TMEM196: variants seen among roughly 807,000 people sequenced by gnomAD.
TMEM196 encodes transmembrane protein 196.
Under a neutral mutation model 20.0 loss-of-function variants are expected in TMEM196, and 17 were observed. The ratio of observed to expected loss-of-function variants is 0.85; its 90% CI spans 0.58 to 1.27. The LOEUF (loss-of-function observed/expected upper bound fraction) is 1.27, where lower values mean the gene tolerates loss of function less well. Ranked by LOEUF, TMEM196 falls within the 50% of genes most tolerant of loss-of-function variation. TMEM196 has a pLI of 0.00. For missense variants in TMEM196, 267 were observed against 223.0 expected (o/e 1.20, Z -1.26); for synonymous variants, 113 against 88.9 (o/e 1.27, Z -1.52).
chr7:19,736,628 T>A (rs913681912), intron 1 of TMEM196, among the ~76,000 whole-genome samples: 2 of 151,658 alleles, frequency 1.3e-5, no homozygotes, highest in Admixed American at 6.6e-5. Flanking sequence ...TCACATGCAG[T>A]GTTTTCAGCA....
chr7:19,731,507 A>C (rs537034044), intron 1 of TMEM196, among the ~76,000 whole-genome samples: 1 of 151,960 alleles, frequency 6.6e-6, no homozygotes, highest in South Asian at 2.1e-4. Context: ...AAGCTCAAGC[A>C]TACTCTTCTC....
chr7:19,772,458 G>C, intron 1 of TMEM196, 92 bp downstream of exon 1: 3 of 1,329,418 alleles, frequency 2.3e-6, no homozygotes, highest in Non-Finnish European at 3.0e-6. Flanking sequence ...GTTTCCCAGG[G>C]AGGGAGTGAC....
chr7:19,740,664 C>G (rs574087668), intron 1 of TMEM196, among the ~76,000 whole-genome samples: 1 of 152,088 alleles, frequency 6.6e-6, no homozygotes, highest in South Asian at 2.1e-4. Context: ...AGGGTGGCAC[C>G]CCTTTTTGGG....
intron 1 of TMEM196, among the ~76,000 whole-genome samples, chr7:19,739,597 G>A (rs1430055808): frequency 6.6e-6 from 1 of 151,920 alleles, no homozygotes; most frequent in Admixed American, 6.6e-5. Context: ...GAAAATATTT[G>A]CAACAATAAG....
chr7:19,763,418 C>A (rs1248796912), intron 1 of TMEM196, among the ~76,000 whole-genome samples: 1 of 152,026 alleles, frequency 6.6e-6, no homozygotes, highest in Non-Finnish European at 1.5e-5. Context: ...CCAAATATAA[C>A]AAGAAAATCA....
At chr7:19,735,678 C>T (rs1784374268) in intron 1 of TMEM196, among the ~76,000 whole-genome samples, 1 of 152,086 alleles carries the variant, frequency 6.6e-6, no homozygotes, top group African/African-American at 2.4e-5. Context: ...TATTAGCCGG[C>T]AGGGAGAGCA....
intron 4 of TMEM196, among the ~76,000 whole-genome samples, chr7:19,723,909 T>C (rs1368601793): frequency 6.6e-6 from 1 of 152,150 alleles, no homozygotes; most frequent in Admixed American, 6.5e-5. Flanking sequence ...ATGAGGAAAA[T>C]ACACAGTTTG....
chr7:19,750,167 T>TTC (rs995385572), intron 1 of TMEM196, among the ~76,000 whole-genome samples: 2 of 152,176 alleles, frequency 1.3e-5, no homozygotes, highest in African/African-American at 4.8e-5. Flanking sequence ...TCTGTTGTCT[T>TTC]TCTCTCTCTT....
chr7:19,729,259 T>TG (rs912831836), intron 2 of TMEM196, 123 bp downstream of exon 2: 9 of 616,996 alleles, frequency 1.5e-5, no homozygotes, highest in African/African-American at 1.2e-4. Flanking sequence ...TTTGTCAGTT[T>TG]TTTTTTTTTT....
At chr7:19,769,267 CTT>C (rs906317268) in intron 1 of TMEM196, among the ~76,000 whole-genome samples, 2 of 151,970 alleles carry the variant, frequency 1.3e-5, no homozygotes, top group African/African-American at 4.8e-5. Flanking sequence ...TTCTATCTAG[CTT>C]TCTTCTGCAT....
At position 19,760,436 on chromosome 7, in the gene TMEM196, A is replaced by G. The variant is rs534714887; in HGVS notation, c.147+12114T>C. 1.3e-4 allele frequency among the ~76,000 whole-genome samples: 18 copies of G among 138,234 alleles called. No individual in the cohort carries two copies. In the East Asian group the frequency reaches 2.5e-3, roughly 19 times the overall value. The allele number at this position is 138,234 out of a possible 152,430, so 90.7% of individuals were successfully genotyped here. A position where few individuals can be genotyped will look rare whatever the true frequency, so the allele number is the denominator to read the frequency against. On this transcript the variant is annotated intron_variant, in intron 1 of 4. Transcript: ENST00000405844. ...AGTGCAGTGACATGATCTTGGCTCA[A>G]TGCAACCTCTGCCTCCTGGGTTCAA...
At chr7:19,739,301 A>G (rs1264362134) in intron 1 of TMEM196, among the ~76,000 whole-genome samples, 1 of 152,190 alleles carries the variant, frequency 6.6e-6, no homozygotes, top group East Asian at 1.9e-4. Flanking sequence ...AGTAATATTC[A>G]TATATGCCAG....
At chr7:19,753,244 T>A (rs1478431212) in intron 1 of TMEM196, among the ~76,000 whole-genome samples, 2 of 152,192 alleles carry the variant, frequency 1.3e-5, no homozygotes, top group African/African-American at 2.4e-5. Flanking sequence ...ATGCTTATTA[T>A]CTCTGTTACT....
intron 1 of TMEM196, among the ~76,000 whole-genome samples, chr7:19,740,583 C>T (rs1484875574): frequency 2.0e-5 from 3 of 151,942 alleles, no homozygotes; most frequent in Admixed American, 6.6e-5. Flanking sequence ...TTGTGTTCTC[C>T]GTGGCTATTT....
At chr7:19,761,678 C>T (rs1785441673) in intron 1 of TMEM196, among the ~76,000 whole-genome samples, 2 of 152,142 alleles carry the variant, frequency 1.3e-5, no homozygotes, top group Non-Finnish European at 2.9e-5. Flanking sequence ...TGAAGATGCA[C>T]ATCAGGTAGT....
chr7:19,743,202 A>G (rs1784637062), intron 1 of TMEM196, among the ~76,000 whole-genome samples: 1 of 152,246 alleles, frequency 6.6e-6, no homozygotes, highest in East Asian at 1.9e-4. Flanking sequence ...ATGAGGGATC[A>G]TTTCTGGGGA....
chr7:19,732,528 G>A (rs1448936633), intron 1 of TMEM196, among the ~76,000 whole-genome samples: 1 of 145,198 alleles, frequency 6.9e-6, no homozygotes, highest in Non-Finnish European at 1.5e-5. Flanking sequence ...AGCCGAGATC[G>A]CATCACTGCA....
chr7:19,772,212 C>A (rs939168210), intron 1 of TMEM196, among the ~76,000 whole-genome samples: 1 of 150,886 alleles, frequency 6.6e-6, no homozygotes, highest in Non-Finnish European at 1.5e-5. Context: ...GTGTGACACC[C>A]CCCTCCCCCC....
intron 2 of TMEM196, among the ~76,000 whole-genome samples, chr7:19,729,072 C>T (rs747509482): frequency 1.3e-5 from 2 of 152,014 alleles, no homozygotes; most frequent in Non-Finnish European, 2.9e-5. Flanking sequence ...AGGATTCAGG[C>T]GATTGTCTGG....
Sources: gnomAD v4.1 joint callset for allele counts (sites outside exome capture counted in the v4.1 genomes callset) on GRCh38, gnomAD v4.1.1 for gene constraint, MANE v1.5 for transcripts, NCBI Gene and HGNC (gene_info 2026-07-23, HGNC 2026-07-21) for gene names.